The following UROS variants were observed in gnomAD, a reference collection of about 807,000 sequenced individuals.
The protein encoded by UROS is uroporphyrinogen-III synthase.
Under a neutral mutation model 33.0 loss-of-function variants are expected in UROS, and 18 were observed. That is an observed-to-expected ratio of 0.55 (90% CI 0.38 to 0.81). The LOEUF (loss-of-function observed/expected upper bound fraction) is 0.81. Ranked by LOEUF, UROS falls within the 30% of genes least tolerant of loss-of-function variation. The probability of loss-of-function intolerance (pLI) is 0.00; values close to 1 mark genes in which losing one functional copy is unlikely to be tolerated. For missense variants in UROS, 293 were observed against 314.9 expected (o/e 0.93, Z 0.53); for synonymous variants, 114 against 121.1 (o/e 0.94, Z 0.38).
intron 4 of UROS, among the ~76,000 whole-genome samples, chr10:125,814,396 C>A (rs143266733): frequency 1.3e-5 from 2 of 152,258 alleles, no homozygotes; most frequent in Non-Finnish European, 2.9e-5. Flanking sequence ...ACTATCCTGG[C>A]CTCAGTTTTC....
intron 1 of UROS, among the ~76,000 whole-genome samples, chr10:125,817,200 G>T (rs949313758): frequency 6.7e-6 from 1 of 150,088 alleles, no homozygotes; most frequent in Non-Finnish European, 1.5e-5. Context: ...TAATAGCAAC[G>T]GGAAGCTTCT....
intron 6 of UROS, chr10:125,801,934 T>C (rs1453321478): frequency 1.2e-6 from 1 of 852,044 alleles, no homozygotes; most frequent in Non-Finnish European, 1.4e-6. Flanking sequence ...AAACAAACTG[T>C]GGGTACAGCT....
chr10:125,816,097 G>A (rs1172839069), intron 3 of UROS, 80 bp downstream of exon 3: 4 of 1,352,572 alleles, frequency 3.0e-6, no homozygotes, highest in Non-Finnish European at 4.2e-6. Flanking sequence ...TAAGAAGACA[G>A]TAAAATAGTC....
intron 9 of UROS, chr10:125,793,629 C>G (rs565715960): frequency 1.3e-5 from 2 of 152,308 alleles, no homozygotes; most frequent in African/African-American, 4.8e-5. Flanking sequence ...TCACTGCAAC[C>G]TCAGTCTCCA....
chr10:125,804,127 G>C (rs868853683), intron 6 of UROS, among the ~76,000 whole-genome samples: 1 of 152,314 alleles, frequency 6.6e-6, no homozygotes, highest in Non-Finnish European at 1.5e-5. Flanking sequence ...GAGGTGACTG[G>C]TGGTGGCCCC....
intron 4 of UROS, among the ~76,000 whole-genome samples, chr10:125,814,418 A>G (rs900486264): frequency 1.3e-5 from 2 of 152,218 alleles, no homozygotes; most frequent in Non-Finnish European, 2.9e-5. Flanking sequence ...CAATGGTAAC[A>G]TAAGACATAA....
intron 3 of UROS, among the ~76,000 whole-genome samples, chr10:125,815,499 G>A (rs1853238246): frequency 6.6e-6 from 1 of 152,116 alleles, no homozygotes; most frequent in Non-Finnish European, 1.5e-5. Flanking sequence ...AATAAAAATG[G>A]GAATATTCAG....
In UROS at chr10:125,794,894, T is replaced by C; in HGVS notation, c.646A>G (p.Ile216Val). Reference sequence around the variant, plus strand: ...GAATAACTTACCTTAATTTGATCGATATTGTCACCAGATAACTCCTGAATG... The same window carrying C: ...GAATAACTTACCTTAATTTGATCGACATTGTCACCAGATAACTCCTGAATG... ...KHIQELSGDN[I>V]DQIKFAAIGP... The change falls in exon 9 of 10, where the codon ATC (isoleucine) becomes GTC (valine). Residue 216 changes from isoleucine to valine, a missense_variant. Physicochemically the swap from Ile to Val is conservative, Grantham distance 29. Transcript: ENST00000368797. 1 of 1,613,208 alleles carries C rather than the reference T, an allele frequency of 6.2e-7. No homozygotes were observed. The highest frequency in any genetic ancestry group is 8.5e-7 in the Non-Finnish European group (1 of 1,179,508).
rs879724092 is a variant in UROS at position 125,803,086 on chromosome 10, A to G, written c.394+4327T>C. The G allele has an allele frequency of 1.9e-6, 3 of 1,610,868 alleles. No individual in the cohort carries two copies. In the Admixed American group the frequency reaches 5.0e-5, roughly 27 times the overall value. On this transcript the variant is annotated intron_variant, in intron 6 of 9. Transcript: ENST00000368797. ...CTAAGTATCTTTTAGAAGCACACAG[A>G]GCAAGGGAGACAGGAAGAGCTTTGG... is the stretch of plus-strand genomic sequence containing the variant.
chr10:125,788,560 C>T (rs923278723), downstream of UROS: 3 of 1,284,560 alleles, frequency 2.3e-6, no homozygotes, highest in East Asian at 3.1e-5. Flanking sequence ...CTTAAAATGA[C>T]ACACAGCAAC....
Position 125,816,169 on chromosome 10 carries a change from G to A in UROS, c.147+8C>T, listed in dbSNP as rs1204831252. 6.2e-7 allele frequency: 1 copy of A among 1,613,400 alleles called. No individual in the cohort carries two copies. The highest frequency in any genetic ancestry group is 8.5e-7 in the Non-Finnish European group (1 of 1,179,446). On this transcript the variant is annotated splice_region_variant and intron_variant, in intron 3 of 9. Transcript: ENST00000368797. The stretch of plus-strand genomic sequence containing the variant: ...ACTAACATGGTGCTCAGTCACAACA[G>A]GCCTTACCTTCTCAGAGAAACTGGG...
At chr10:125,786,535 A>C (rs895585418), downstream of UROS, among the ~76,000 whole-genome samples, 8 of 152,204 alleles carry the variant, frequency 5.3e-5, no homozygotes, top group South Asian at 1.7e-3. Flanking sequence ...CAGTGCTGGG[A>C]TTACAGGTGT....
chr10:125,803,158 T>A, intron 6 of UROS: 1 of 1,248,618 alleles, frequency 8.0e-7, no homozygotes, highest in Non-Finnish European at 1.1e-6. Context: ...CTATTAGCTC[T>A]GTTCCTTATG....
intron 6 of UROS, among the ~76,000 whole-genome samples, chr10:125,801,085 TC>T (rs755865059): frequency 3.4e-4 from 51 of 152,086 alleles, no homozygotes; most frequent in Non-Finnish European, 6.3e-4. Flanking sequence ...AACAATGACT[TC>T]CCCCTCTCGG....
At chr10:125,797,246 G>T (rs956469253) in intron 7 of UROS, among the ~76,000 whole-genome samples, 1 of 152,166 alleles carries the variant, frequency 6.6e-6, no homozygotes, top group Non-Finnish European at 1.5e-5. Flanking sequence ...AAAACCCTGG[G>T]AGAGACAGTA....
downstream of UROS, among the ~76,000 whole-genome samples, chr10:125,787,810 A>T (rs1291397503): frequency 6.6e-6 from 1 of 152,178 alleles, no homozygotes. Flanking sequence ...TTTGGAGAAC[A>T]ATCATCACCA....
intron 6 of UROS, among the ~76,000 whole-genome samples, chr10:125,800,439 C>T (rs770227677): frequency 1.8e-4 from 28 of 152,288 alleles, no homozygotes; most frequent in Middle Eastern, 3.4e-3. Context: ...CACTAGGATT[C>T]GCACCTTACG....
intron 6 of UROS, among the ~76,000 whole-genome samples, chr10:125,803,516 TA>T (rs1275939051): frequency 6.6e-6 from 1 of 152,154 alleles, no homozygotes; most frequent in Non-Finnish European, 1.5e-5. Context: ...ACTTAAGGGA[TA>T]AATTTCAGAG....
At chr10:125,812,116 A>T in intron 5 of UROS, 98 bp downstream of exon 5, 1 of 1,222,618 alleles carries the variant, frequency 8.2e-7, no homozygotes, top group Non-Finnish European at 1.2e-6. Context: ...CAAATTTAAT[A>T]AGCAAAAAAT....
Sources: allele counts gnomAD v4.1 joint callset (sites outside exome capture counted in the v4.1 genomes callset), GRCh38; gene constraint gnomAD v4.1.1; transcripts MANE v1.5; gene names NCBI Gene and HGNC (gene_info 2026-07-23, HGNC 2026-07-21).